The following NTRK3 variants were observed in gnomAD, a reference collection of about 807,000 sequenced individuals.
NTRK3 encodes neurotrophic receptor tyrosine kinase 3, also known as NT-3 growth factor receptor.
NTRK3 carries 24 observed loss-of-function variants against 91.7 expected under a neutral mutation model. The observed-to-expected ratio is 0.26, with a 90% CI of 0.19 to 0.37. The LOEUF is 0.37. Ranked by LOEUF, NTRK3 falls within the 10% of genes least tolerant of loss-of-function variation. The pLI is 1.00. For synonymous variants in NTRK3, 483 were observed against 404.0 expected, an observed-to-expected ratio of 1.20 and a Z score of -2.34; for missense variants, 880 against 1,068.9, an observed-to-expected ratio of 0.82 and a Z score of 2.46.
chr15:87,934,144 G>A (rs529925711), intron 15 of NTRK3, among the ~76,000 whole-genome samples: 1 of 152,276 alleles, frequency 6.6e-6, no homozygotes, highest in Non-Finnish European at 1.5e-5. Context: ...AGCAATGCTG[G>A]CCAGATGGAA....
intron 10 of NTRK3, among the ~76,000 whole-genome samples, chr15:88,129,181 C>G (rs2053579899): frequency 6.6e-6 from 1 of 152,200 alleles, no homozygotes. Context: ...AGAGTTGATT[C>G]TAGCAGGTCA....
At chr15:88,217,904 G>A (rs144208678) in intron 3 of NTRK3, among the ~76,000 whole-genome samples, 3,793 of 152,082 alleles carry the variant, frequency 0.025, 191 homozygotes, top group African/African-American at 0.087. Flanking sequence ...GACTACAGGC[G>A]CCCGCCACCG....
intron 5 of NTRK3, among the ~76,000 whole-genome samples, chr15:88,177,708 C>A (rs977942562): frequency 6.6e-6 from 1 of 152,138 alleles, no homozygotes; most frequent in African/African-American, 2.4e-5. Flanking sequence ...ATATAGGAAA[C>A]TAAAGGGCAC....
At chr15:88,160,439 C>A (rs142917724) in intron 5 of NTRK3, among the ~76,000 whole-genome samples, 1 of 152,274 alleles carries the variant, frequency 6.6e-6, no homozygotes, top group East Asian at 1.9e-4. Context: ...CAGCGGCTAG[C>A]GTCAAAGGGT....
At chr15:88,094,792 C>T (rs1351544835) in intron 13 of NTRK3, among the ~76,000 whole-genome samples, 2 of 152,216 alleles carry the variant, frequency 1.3e-5, no homozygotes, top group Non-Finnish European at 2.9e-5. Flanking sequence ...ACTTGATTTA[C>T]TCCCAGGGAA....
intron 15 of NTRK3, among the ~76,000 whole-genome samples, chr15:87,937,372 A>G (rs187066609): frequency 9.9e-4 from 151 of 152,360 alleles, no homozygotes; most frequent in African/African-American, 3.5e-3. Context: ...AAAACCTGCT[A>G]AAGGTCAGTG....
At chr15:88,022,660 C>G (rs2077687064) in intron 14 of NTRK3, among the ~76,000 whole-genome samples, 1 of 152,192 alleles carries the variant, frequency 6.6e-6, no homozygotes, top group South Asian at 2.1e-4. Flanking sequence ...CCACCTTCAG[C>G]TTTTGGGTGC....
chr15:88,128,618 G>T, intron 11 of NTRK3, 93 bp downstream of exon 11: 1 of 1,315,586 alleles, frequency 7.6e-7, no homozygotes, highest in Non-Finnish European at 1.1e-6. Flanking sequence ...GGCCAGGGAT[G>T]ATGTGGAATA....
chr15:88,112,123 G>T (rs930772068), intron 13 of NTRK3, among the ~76,000 whole-genome samples: 6 of 152,068 alleles, frequency 3.9e-5, no homozygotes, highest in Non-Finnish European at 7.4e-5. Context: ...AGCCAGGATG[G>T]TCTTGATCTC....
chr15:87,876,595 T>C (rs1017073155), exon 19 of NTRK3: 3 of 219,806 alleles, frequency 1.4e-5, no homozygotes, highest in South Asian at 3.6e-4. Context: ...TCCTTTGTAT[T>C]ATTAATATTT....
chr15:88,204,648 T>C (rs950971811), intron 3 of NTRK3, among the ~76,000 whole-genome samples: 1 of 152,128 alleles, frequency 6.6e-6, no homozygotes, highest in Non-Finnish European at 1.5e-5. Flanking sequence ...CTAGGAGGTG[T>C]TAAAAATTCT....
intron 10 of NTRK3, 69 bp downstream of exon 10, chr15:88,135,032 T>G: frequency 6.4e-7 from 1 of 1,567,916 alleles, no homozygotes; most frequent in Admixed American, 1.7e-5. Flanking sequence ...CCTCTCAAGC[T>G]ACCATGCCCC....
At chr15:87,973,713 A>T (rs1343060572) in intron 14 of NTRK3, among the ~76,000 whole-genome samples, 1 of 152,016 alleles carries the variant, frequency 6.6e-6, no homozygotes, top group Non-Finnish European at 1.5e-5. Flanking sequence ...GACAGTCTAG[A>T]TGGAAGCCAG....
intron 14 of NTRK3, among the ~76,000 whole-genome samples, chr15:87,976,537 C>T (rs1188775084): frequency 6.6e-6 from 1 of 152,184 alleles, no homozygotes; most frequent in Non-Finnish European, 1.5e-5. Flanking sequence ...ACTCTTGCTC[C>T]ATCTCTCCTG....
At chr15:87,940,521 G>A (rs2142014975) in intron 15 of NTRK3, 102 bp downstream of exon 15, 1 of 1,559,088 alleles carries the variant, frequency 6.4e-7, no homozygotes, top group South Asian at 1.1e-5. Flanking sequence ...ATCTGAGAAA[G>A]CCAATTGAGC....
At chr15:87,876,169 G>C (rs1163658124) in exon 19 of NTRK3, 1 of 233,402 alleles carries the variant, frequency 4.3e-6, no homozygotes, top group African/African-American at 2.2e-5. Context: ...ACTCCAGCAA[G>C]AAGCTTACAC....
chr15:87,884,034 T>C (rs1596077543), intron 17 of NTRK3, among the ~76,000 whole-genome samples: 1 of 136,272 alleles, frequency 7.3e-6, no homozygotes. Context: ...GCAAGAAAAG[T>C]AAGAAGAAAT....
intron 13 of NTRK3, among the ~76,000 whole-genome samples, chr15:88,064,982 C>T (rs534721718): frequency 2.6e-4 from 39 of 152,318 alleles, no homozygotes; most frequent in African/African-American, 8.4e-4. Flanking sequence ...CAAAGCCTGG[C>T]TCATTTGCAG....
At chr15:87,867,877 C>T (rs1371728709) in exon 19 of NTRK3, 1 of 227,386 alleles carries the variant, frequency 4.4e-6, no homozygotes, top group Non-Finnish European at 8.7e-6. Flanking sequence ...AAATCTGAAT[C>T]AAGTTTTTGT....
Sources: gnomAD v4.1 joint callset for allele counts (sites outside exome capture counted in the v4.1 genomes callset) on GRCh38, gnomAD v4.1.1 for gene constraint, MANE v1.5 for transcripts, NCBI Gene and HGNC (gene_info 2026-07-23, HGNC 2026-07-21) for gene names.